The following BTBD9 variants were observed in gnomAD, a reference collection of about 807,000 sequenced individuals.
BTBD9 encodes the protein BTB domain containing 9.
In BTBD9, 49 loss-of-function variants were observed where a neutral mutation model predicts 64.3. That is an observed-to-expected ratio of 0.76 (90% CI 0.61 to 0.97). BTBD9 has a LOEUF of 0.97. Ranked by LOEUF, BTBD9 falls within the 50% of genes least tolerant of loss-of-function variation. The pLI is 0.00. For synonymous variants in BTBD9, 260 were observed against 274.7 expected (o/e 0.95, Z 0.53); for missense variants, 598 against 762.1 (o/e 0.78, Z 2.53).
intron 6 of BTBD9, among the ~76,000 whole-genome samples, chr6:38,399,677 C>T (rs748902192): frequency 4.1e-4 from 63 of 152,006 alleles, no homozygotes; most frequent in Non-Finnish European, 7.5e-4. Flanking sequence ...AGAATAAAGG[C>T]TGTATTTCCC....
chr6:38,224,837 A>G (rs1272063250), intron 9 of BTBD9, among the ~76,000 whole-genome samples: 2 of 152,258 alleles, frequency 1.3e-5, no homozygotes, highest in Non-Finnish European at 2.9e-5. Flanking sequence ...TATGTGTGTT[A>G]GGTAGTACTT....
At chr6:38,193,623 C>G (rs996655241) in intron 9 of BTBD9, among the ~76,000 whole-genome samples, 4 of 152,208 alleles carry the variant, frequency 2.6e-5, no homozygotes, top group African/African-American at 9.6e-5. Flanking sequence ...TCAGAATGCA[C>G]TGGAGGAGTG....
chr6:38,370,071 C>A (rs1177144864), intron 6 of BTBD9, among the ~76,000 whole-genome samples: 2 of 152,214 alleles, frequency 1.3e-5, no homozygotes, highest in Non-Finnish European at 2.9e-5. Context: ...GTTCCACCAA[C>A]AATCTCTGTA....
At chr6:38,317,934 CTT>C (rs34109121) in intron 7 of BTBD9, among the ~76,000 whole-genome samples, 17 of 128,794 alleles carry the variant, frequency 1.3e-4, no homozygotes, top group Admixed American at 2.4e-4. Context: ...CTCAAAATAG[CTT>C]TTTTTTTTTT....
chr6:38,572,944 T>C (rs1173275006), intron 6 of BTBD9, among the ~76,000 whole-genome samples: 1 of 151,810 alleles, frequency 6.6e-6, no homozygotes, highest in Non-Finnish European at 1.5e-5. Flanking sequence ...AAAGTACCAA[T>C]AAAACACTAA....
At chr6:38,315,862 T>G (rs1403694659) in intron 7 of BTBD9, among the ~76,000 whole-genome samples, 1 of 152,214 alleles carries the variant, frequency 6.6e-6, no homozygotes, top group African/African-American at 2.4e-5. Context: ...TGATGTTTCT[T>G]TATTGATTTT....
intron 9 of BTBD9, among the ~76,000 whole-genome samples, chr6:38,220,555 G>T (rs1489741159): frequency 6.6e-6 from 1 of 152,210 alleles, no homozygotes; most frequent in African/African-American, 2.4e-5. Context: ...ATTCATTTTA[G>T]AAATGAGACT....
intron 8 of BTBD9, among the ~76,000 whole-genome samples, chr6:38,263,046 T>G (rs1251701134): frequency 6.6e-6 from 1 of 152,198 alleles, no homozygotes; most frequent in Non-Finnish European, 1.5e-5. Flanking sequence ...GAAAACCAAC[T>G]AAAGGAAGAT....
At chr6:38,204,641 ACT>A (rs1283474951) in intron 9 of BTBD9, among the ~76,000 whole-genome samples, 1 of 152,140 alleles carries the variant, frequency 6.6e-6, no homozygotes, top group Non-Finnish European at 1.5e-5. Flanking sequence ...ATGGATGCAA[ACT>A]CTGTGAATAT....
intron 6 of BTBD9, among the ~76,000 whole-genome samples, chr6:38,531,856 G>A (rs946777946): frequency 1.3e-5 from 2 of 152,118 alleles, no homozygotes; most frequent in Non-Finnish European, 2.9e-5. Context: ...ACAACAGGGA[G>A]AGGCAGGGAG....
intron 6 of BTBD9, among the ~76,000 whole-genome samples, chr6:38,452,345 ATGC>A (rs1487563915): frequency 2.0e-5 from 3 of 152,250 alleles, no homozygotes; most frequent in African/African-American, 7.2e-5. Context: ...CCACTATACT[ATGC>A]TGTCTCTTAA....
At chr6:38,513,776 G>C (rs1772884439) in intron 6 of BTBD9, among the ~76,000 whole-genome samples, 1 of 152,132 alleles carries the variant, frequency 6.6e-6, no homozygotes, top group Admixed American at 6.5e-5. Flanking sequence ...GCTTTTTTGG[G>C]GAATCAGGTG....
intron 6 of BTBD9, among the ~76,000 whole-genome samples, chr6:38,417,491 T>C (rs1054318628): frequency 3.3e-5 from 5 of 152,194 alleles, no homozygotes; most frequent in African/African-American, 9.7e-5. Context: ...TGTTGACACA[T>C]AGGTCAGTGC....
Position 38,615,835 on chromosome 6 carries a change from T to C in BTBD9, c.-27-17714A>G, listed in dbSNP as rs1427143625. On this transcript the variant is annotated intron_variant, in intron 1 of 10. Transcript: ENST00000481247. ...TGCTTAAAGTAATTATTGCGGTCCT[T>C]TTTCAAATAACTGCACTTCACTGAC... 6.6e-5 allele frequency among the ~76,000 whole-genome samples: 10 copies of C among 152,160 alleles called. 1 individual carries two copies. In the South Asian group the frequency reaches 2.1e-3, roughly 32 times the overall value.
chr6:38,307,415 T>C (rs959678745), intron 7 of BTBD9, among the ~76,000 whole-genome samples: 2 of 152,192 alleles, frequency 1.3e-5, no homozygotes, highest in Admixed American at 6.5e-5. Context: ...AGAAAAACCA[T>C]GGGTTATATA....
At chr6:38,555,951 G>A (rs1774993219) in intron 6 of BTBD9, among the ~76,000 whole-genome samples, 1 of 152,174 alleles carries the variant, frequency 6.6e-6, no homozygotes, top group African/African-American at 2.4e-5. Context: ...GGGATGGGCA[G>A]GAATAGAATT....
chr6:38,282,216 GA>G lies in BTBD9; in HGVS notation c.1454+6055del, dbSNP rs1360662673. On this transcript the variant is annotated intron_variant, in intron 8 of 10. Coordinates refer to ENST00000481247, the MANE Select transcript of BTBD9 (RefSeq NM_001099272.2). ...AATTTTAATGTTTTTAAAATGGCAT[GA>G]AAATGATATAATTACTATTCAATTA... Among the ~76,000 whole-genome samples the G allele has an allele frequency of 3.3e-5, 5 of 152,270 alleles. No individual in the cohort carries two copies. In the East Asian group the frequency reaches 9.6e-4, roughly 29 times the overall value.
At chr6:38,252,937 T>C (rs1764450055) in intron 9 of BTBD9, among the ~76,000 whole-genome samples, 1 of 152,062 alleles carries the variant, frequency 6.6e-6, no homozygotes, top group South Asian at 2.1e-4. Flanking sequence ...TGAAACCCTG[T>C]CTCTACTAAA....
chr6:38,371,896 G>A (rs938149400), intron 6 of BTBD9, among the ~76,000 whole-genome samples: 4 of 152,130 alleles, frequency 2.6e-5, no homozygotes, highest in Non-Finnish European at 4.4e-5. Context: ...TATGGCCTCG[G>A]TGTCAATTTC....
Sources: allele counts gnomAD v4.1 joint callset (sites outside exome capture counted in the v4.1 genomes callset), GRCh38; gene constraint gnomAD v4.1.1; transcripts MANE v1.5; gene names NCBI Gene and HGNC (gene_info 2026-07-23, HGNC 2026-07-21).